Variants in FBLN7 observed in about 807,000 individuals in gnomAD.
The protein encoded by FBLN7 is fibulin-7.
Under a neutral mutation model 44.0 loss-of-function variants are expected in FBLN7, and 31 were observed. The ratio of observed to expected loss-of-function variants is 0.70; its 90% CI spans 0.53 to 0.95. FBLN7 has a LOEUF of 0.95. Ranked by LOEUF, FBLN7 falls within the 40% of genes least tolerant of loss-of-function variation. FBLN7 has a pLI of 0.00. For missense variants in FBLN7, 573 were observed against 618.5 expected (o/e 0.93, Z 0.78); for synonymous variants, 262 against 253.4 (o/e 1.03, Z -0.32).
chr2:112,197,774 T>C, the FBLN7 span, among the ~76,000 whole-genome samples: 1,325 of 152,290 alleles, frequency 8.7e-3, 28 homozygotes, highest in African/African-American at 0.03. Flanking sequence ...CAGCTAAATT[T>C]AAAGCCAGAG....
intron 7 of FBLN7, among the ~76,000 whole-genome samples, chr2:112,186,145 G>A (rs989264530): frequency 6.6e-6 from 1 of 152,128 alleles, no homozygotes; most frequent in Non-Finnish European, 1.5e-5. Context: ...TCGGTGAAGG[G>A]ATAGGGAACG....
chr2:112,201,180 G>A, the FBLN7 span, among the ~76,000 whole-genome samples: 1 of 152,202 alleles, frequency 6.6e-6, no homozygotes, highest in African/African-American at 2.4e-5. Flanking sequence ...AGGCCTCTGA[G>A]GCAGGAGGCA....
chr2:112,154,602 A>G (rs1247944632), intron 1 of FBLN7, among the ~76,000 whole-genome samples: 1 of 152,102 alleles, frequency 6.6e-6, no homozygotes. Context: ...GGAAAGCCTC[A>G]CCCAAAAGCC....
the FBLN7 span, chr2:112,232,005 C>G: frequency 9.6e-7 from 1 of 1,045,436 alleles, no homozygotes; most frequent in Non-Finnish European, 1.4e-6. Flanking sequence ...ATGTTATTAA[C>G]TTAATGACTT....
downstream of FBLN7, among the ~76,000 whole-genome samples, chr2:112,191,316 C>T (rs1425154626): frequency 1.3e-5 from 2 of 152,168 alleles, no homozygotes; most frequent in East Asian, 3.9e-4. Context: ...GCTGGGATTA[C>T]AGGCATGCAC....
At chr2:112,160,669 C>T (rs1420995235) in intron 2 of FBLN7, among the ~76,000 whole-genome samples, 1 of 148,478 alleles carries the variant, frequency 6.7e-6, no homozygotes, top group Non-Finnish European at 1.5e-5. Context: ...CGCACGCACA[C>T]GCACACGCAG....
At chr2:112,183,095 A>G (rs1014915603) in intron 6 of FBLN7, among the ~76,000 whole-genome samples, 167 bp downstream of exon 6, 6 of 152,270 alleles carry the variant, frequency 3.9e-5, no homozygotes, top group African/African-American at 1.4e-4. Flanking sequence ...AGGCCACATT[A>G]TCATCTACAT....
At chr2:112,161,576 C>T (rs1573793979) in intron 2 of FBLN7, among the ~76,000 whole-genome samples, 1 of 152,206 alleles carries the variant, frequency 6.6e-6, no homozygotes, top group East Asian at 1.9e-4. Flanking sequence ...ACAAAGCCTT[C>T]CTTGTTTTCA....
the FBLN7 span, among the ~76,000 whole-genome samples, chr2:112,242,717 A>G: frequency 6.6e-6 from 1 of 152,252 alleles, no homozygotes; most frequent in Admixed American, 6.5e-5. Flanking sequence ...AGTATTAAGC[A>G]TTCACCACAA....
intron 1 of FBLN7, among the ~76,000 whole-genome samples, chr2:112,149,855 AATC>A (rs1334379563): frequency 6.6e-6 from 1 of 152,220 alleles, no homozygotes; most frequent in African/African-American, 2.4e-5. Flanking sequence ...TCAAGGAAGT[AATC>A]ATCTCTCCTC....
intron 4 of FBLN7, among the ~76,000 whole-genome samples, chr2:112,179,235 C>T (rs1238627464): frequency 6.6e-6 from 1 of 152,144 alleles, no homozygotes; most frequent in East Asian, 1.9e-4. Flanking sequence ...ATCCTATTCA[C>T]AATTTGCCAC....
chr2:112,164,083 C>T (rs1243837316), intron 2 of FBLN7, among the ~76,000 whole-genome samples: 1 of 152,166 alleles, frequency 6.6e-6, no homozygotes, highest in African/African-American at 2.4e-5. Flanking sequence ...TTCTACATGG[C>T]CCCACACTTC....
At chr2:112,231,819 T>C in the FBLN7 span, 4 of 1,459,356 alleles carry the variant, frequency 2.7e-6, no homozygotes, top group Non-Finnish European at 3.7e-6. Context: ...AACAAAAGAT[T>C]ATTAAAAATT....
intron 2 of FBLN7, among the ~76,000 whole-genome samples, chr2:112,160,742 A>ACG (rs1425608338): frequency 6.2e-5 from 5 of 81,078 alleles, no homozygotes; most frequent in Admixed American, 1.1e-4. Flanking sequence ...GCACACGCAC[A>ACG]CACGCGCACG....
the FBLN7 span, among the ~76,000 whole-genome samples, chr2:112,244,495 T>A: frequency 6.6e-6 from 1 of 152,230 alleles, no homozygotes; most frequent in Non-Finnish European, 1.5e-5. Context: ...AGATGTGAGA[T>A]ATCTACAAAG....
chr2:112,160,691 C>CACACAA (rs1558879648), intron 2 of FBLN7, among the ~76,000 whole-genome samples: 5 of 120,816 alleles, frequency 4.1e-5, no homozygotes, highest in African/African-American at 1.0e-4. Flanking sequence ...CGCACGCACA[C>CACACAA]GCACACACGC....
the FBLN7 span, among the ~76,000 whole-genome samples, chr2:112,235,843 A>G: frequency 2.0e-5 from 3 of 151,966 alleles, no homozygotes; most frequent in Admixed American, 2.0e-4. Flanking sequence ...AGTAGTAAAA[A>G]ATTTGTAAGA....
At chr2:112,159,463 C>T (rs753556568) in intron 1 of FBLN7, among the ~76,000 whole-genome samples, 3 of 152,120 alleles carry the variant, frequency 2.0e-5, no homozygotes, top group East Asian at 1.9e-4. Flanking sequence ...TAGAGTCATC[C>T]GTCCTGCCTG....
intron 3 of FBLN7, among the ~76,000 whole-genome samples, chr2:112,171,850 C>G (rs1298401556): frequency 6.6e-6 from 1 of 152,106 alleles, no homozygotes; most frequent in Non-Finnish European, 1.5e-5. Context: ...GGGTTCATGC[C>G]ATTCTCCTGC....
Sources: gnomAD v4.1 joint callset for allele counts (sites outside exome capture counted in the v4.1 genomes callset) on GRCh38, gnomAD v4.1.1 for gene constraint, MANE v1.5 for transcripts, NCBI Gene and HGNC (gene_info 2026-07-23, HGNC 2026-07-21) for gene names.